Variants in ARHGAP6 observed in about 807,000 individuals in gnomAD.
ARHGAP6 encodes the protein Rho GTPase activating protein 6.
ARHGAP6 carries 16 observed loss-of-function variants against 55.7 expected under a neutral mutation model. The ratio of observed to expected loss-of-function variants is 0.29; its 90% confidence interval spans 0.19 to 0.44. ARHGAP6 has a LOEUF of 0.44. Among genes scored for constraint, ARHGAP6 ranks in the 20% least tolerant of loss-of-function variants. The probability of loss-of-function intolerance (pLI) is 1.00; values close to 1 mark genes in which losing one functional copy is unlikely to be tolerated. For synonymous variants in ARHGAP6, 382 were observed against 360.9 expected (o/e 1.06, Z -0.66); for missense variants, 698 against 808.9 (o/e 0.86, Z 1.66).
chrX:11,190,037 G>T lies in ARHGAP6; in HGVS notation c.821-1053C>A, dbSNP rs909204634. Among the ~76,000 whole-genome samples, 3 of 111,903 alleles carry T rather than the reference G, an allele frequency of 2.7e-5. No homozygotes were observed. In the Admixed American group the frequency reaches 2.9e-4, roughly 11 times the overall value. On this transcript the variant is annotated intron_variant, in intron 3 of 12. Coordinates refer to ENST00000337414, the MANE Select transcript of ARHGAP6 (RefSeq NM_013427.3). The stretch of plus-strand genomic sequence containing the variant: ...ATCAAGGGAAAATAATTCTAAGGTT[G>T]GTTGTTCTTTGAAAGAAAAAGCTAA...
intron 1 of ARHGAP6, among the ~76,000 whole-genome samples, chrX:11,538,346 T>C (rs2147069607): frequency 8.9e-6 from 1 of 112,036 alleles, no homozygotes; most frequent in South Asian, 3.7e-4. Flanking sequence ...CCACACTCAG[T>C]GAAATCTGAT....
At chrX:11,151,981 C>T (rs1244379522) in intron 10 of ARHGAP6, among the ~76,000 whole-genome samples, 1 of 112,218 alleles carries the variant, frequency 8.9e-6, no homozygotes, top group African/African-American at 3.2e-5. Flanking sequence ...GTTGCTATCT[C>T]ATGAAAACCA....
At chrX:11,211,283 G>A (rs766153159) in intron 2 of ARHGAP6, among the ~76,000 whole-genome samples, 6 of 103,253 alleles carry the variant, frequency 5.8e-5, no homozygotes, top group Non-Finnish European at 5.9e-5. Context: ...GTGCACTGGC[G>A]CGATCTCGGC....
At chrX:11,555,196 C>G (rs2051308485) in intron 1 of ARHGAP6, among the ~76,000 whole-genome samples, 3 of 112,029 alleles carry the variant, frequency 2.7e-5, no homozygotes, top group Non-Finnish European at 5.6e-5. Flanking sequence ...AGAGGTATGC[C>G]TATATGCCAT....
rs1160731443 is a variant in ARHGAP6 at position 11,520,131 on chromosome X, TTATATATATATATATATATATATA to T, written c.588+144086_588+144109del. On this transcript the variant is annotated intron_variant, in intron 1 of 12. Coordinates refer to ENST00000337414, the MANE Select transcript of ARHGAP6 (RefSeq NM_013427.3). ...TTCTTTAACAGTTAGAGAATTGATTTTATATATATATATATATATATATATATATATATATATATATATATATTA... is the reference window on the plus strand; with the variant it reads ...TTCTTTAACAGTTAGAGAATTGATTTTATATATATATATATATATATATTA... Among the ~76,000 whole-genome samples, 55 of 18,262 alleles carry T rather than the reference TTATATATATATATATATATATATA, an allele frequency of 3.0e-3. 1 individual carries two copies. The highest frequency in any genetic ancestry group is 8.4e-3 in the South Asian group (2 of 238). 15.9% of individuals were successfully genotyped at this position (18,262 alleles called of 115,157 possible). A position where few individuals can be genotyped will look rare whatever the true frequency, so the allele number is the denominator to read the frequency against.
chrX:11,664,804 T>C lies in ARHGAP6; in HGVS notation c.25A>G (p.Ser9Gly). The C allele has an allele frequency of 8.3e-7, 1 of 1,198,981 alleles. No homozygotes were observed. The highest frequency in any genetic ancestry group is 1.1e-6 in the Non-Finnish European group (1 of 890,771). Residue 9 changes from serine to glycine, a missense_variant, in exon 1 of 13, where the codon AGC becomes GGC. This residue lies in a region of ARHGAP6 where 164 missense variants were observed against 149.2 expected (regional missense o/e 1.10). Transcript: ENST00000337414. MSAQSLLHSVFSCSSPASS... is the reference protein window; with the variant it reads MSAQSLLHGVFSCSSPASS... Reference sequence around the variant, plus strand: ...GCGGGCGAGGAACAGGAGAAGACGCTGTGGAGCAGGCTCTGCGCGGACATC... The same window carrying C: ...GCGGGCGAGGAACAGGAGAAGACGCCGTGGAGCAGGCTCTGCGCGGACATC...
At chrX:11,214,928 T>C (rs1188795809) in intron 2 of ARHGAP6, among the ~76,000 whole-genome samples, 1 of 113,085 alleles carries the variant, frequency 8.8e-6, no homozygotes, top group Non-Finnish European at 1.9e-5. Context: ...GGGATGACCG[T>C]GTGAAGCACC....
At position 11,182,846 on chromosome X, in the gene ARHGAP6, G is replaced by A. The variant is rs1351591576; in HGVS notation, c.1274-728C>T. On this transcript the variant is annotated intron_variant, in intron 5 of 12. Coordinates refer to ENST00000337414, the MANE Select transcript of ARHGAP6 (RefSeq NM_013427.3). ...AGACAGGGTTTTGCCATGTTCCCAG[G>A]CTCAAGCGATCCACCTGCCTCAACC... 2.7e-5 allele frequency among the ~76,000 whole-genome samples: 3 copies of A among 109,255 alleles called. No homozygotes were observed. In the Admixed American group the frequency reaches 3.0e-4, roughly 11 times the overall value. The allele number at this position is 109,255 out of a possible 115,157, so 94.9% of individuals were successfully genotyped here.
chrX:11,194,178 G>A (rs1195793268), intron 3 of ARHGAP6, among the ~76,000 whole-genome samples: 2 of 112,428 alleles, frequency 1.8e-5, no homozygotes, highest in East Asian at 5.5e-4. Context: ...GTTTAAAAGA[G>A]CAATGCTGGC....
chrX:11,479,239 C>T (rs995605292), intron 1 of ARHGAP6, among the ~76,000 whole-genome samples: 1 of 111,981 alleles, frequency 8.9e-6, no homozygotes, highest in Non-Finnish European at 1.9e-5. Context: ...GCCTGCCGCA[C>T]AAGAAGCAAC....
intron 9 of ARHGAP6, among the ~76,000 whole-genome samples, chrX:11,166,367 C>A (rs779836603): frequency 8.9e-6 from 1 of 111,856 alleles, no homozygotes; most frequent in Non-Finnish European, 1.9e-5. Context: ...CTTTCTAATG[C>A]TAATAGAAGT....
intron 1 of ARHGAP6, among the ~76,000 whole-genome samples, chrX:11,286,940 T>C (rs1029672160): frequency 2.7e-5 from 3 of 112,249 alleles, no homozygotes; most frequent in Non-Finnish European, 3.8e-5. Flanking sequence ...TTACTGGGTA[T>C]GGGATTTCTT....
At chrX:11,627,583 TGTC>T (rs1330060516) in intron 1 of ARHGAP6, among the ~76,000 whole-genome samples, 1 of 111,197 alleles carries the variant, frequency 9.0e-6, no homozygotes, top group Non-Finnish European at 1.9e-5. Flanking sequence ...CACAATAAAT[TGTC>T]TTTATTATTA....
At chrX:11,252,525 C>G (rs939750533) in intron 2 of ARHGAP6, among the ~76,000 whole-genome samples, 25 of 112,188 alleles carry the variant, frequency 2.2e-4, no homozygotes, top group African/African-American at 7.8e-4. Flanking sequence ...CACGGCCTGA[C>G]AGTCACTAGT....
At position 11,361,712 on chromosome X, in the gene ARHGAP6, T is replaced by C. The variant is rs749539513; in HGVS notation, c.589-107005A>G. 1.4e-3 allele frequency among the ~76,000 whole-genome samples: 151 copies of C among 111,073 alleles called. No homozygotes were observed. In the Middle Eastern group the frequency reaches 0.014, roughly 10 times the overall value. The stretch of plus-strand genomic sequence containing the variant: ...CAAAAGAAACTACCATCAGAGTGAA[T>C]AGGCAACCTACAAAATAGGAGAAAA... On this transcript the variant is annotated intron_variant, in intron 1 of 12. Transcript: ENST00000337414.
At position 11,144,134 on chromosome X, in the gene ARHGAP6, T is replaced by C; in HGVS notation, c.2022A>G (p.Pro674=). Residue 674 remains proline (P), a synonymous_variant, in exon 11 of 13, where the codon CCA becomes CCG. Transcript: ENST00000337414. ...GDISPYDNNS[P]VLSERSLLAM... ...CCAGCAGGGAGCGCTCAGACAGCAC[T>C]GGGGAGTTGTTGTCATAAGGGGAGA... 1.7e-6 allele frequency: 2 copies of C among 1,211,662 alleles called. No homozygotes were observed. The highest frequency in any genetic ancestry group is 1.8e-5 in the South Asian group (1 of 56,935).
At chrX:11,399,452 C>T (rs2049521406) in intron 1 of ARHGAP6, among the ~76,000 whole-genome samples, 1 of 108,893 alleles carries the variant, frequency 9.2e-6, no homozygotes, top group Non-Finnish European at 1.9e-5. Flanking sequence ...GGAGGTGAGA[C>T]TAATTTGGGA....
At chrX:11,519,320 T>C in intron 1 of ARHGAP6, among the ~76,000 whole-genome samples, 1 of 110,015 alleles carries the variant, frequency 9.1e-6, no homozygotes, top group South Asian at 3.9e-4. Flanking sequence ...TTTTAATGAC[T>C]GCCATTCTAA....
intron 8 of ARHGAP6, among the ~76,000 whole-genome samples, chrX:11,170,643 T>G (rs1445848615): frequency 9.0e-6 from 1 of 111,673 alleles, no homozygotes; most frequent in Non-Finnish European, 1.9e-5. Flanking sequence ...GCAGCTAGCA[T>G]CTGAACTAGG....
Sources: allele counts gnomAD v4.1 joint callset (sites outside exome capture counted in the v4.1 genomes callset), GRCh38; gene constraint gnomAD v4.1.1; regional missense constraint gnomAD v4.1.1; transcripts MANE v1.5; gene names NCBI Gene and HGNC (gene_info 2026-07-23, HGNC 2026-07-21).